The following FRY variants were observed in gnomAD, a reference collection of about 807,000 sequenced individuals.
FRY encodes protein furry homolog.
A neutral mutation model predicts 348.4 loss-of-function variants in FRY; 128 were observed. The observed-to-expected ratio is 0.37, with a 90% CI of 0.32 to 0.43. The LOEUF (loss-of-function observed/expected upper bound fraction) is 0.43. Ranked by LOEUF, FRY falls within the 20% of genes least tolerant of loss-of-function variation. The probability of loss-of-function intolerance (pLI) is 1.00; values close to 1 mark genes in which losing one functional copy is unlikely to be tolerated. For missense variants in FRY, 2,736 were observed against 3,695.2 expected, an observed-to-expected ratio of 0.74 and a Z score of 6.73; for synonymous variants, 1,370 against 1,374.7, an observed-to-expected ratio of 1.00 and a Z score of 0.08.
At chr13:32,056,389 G>A (rs1396971378) in intron 1 of FRY, among the ~76,000 whole-genome samples, 1 of 152,044 alleles carries the variant, frequency 6.6e-6, no homozygotes, top group East Asian at 1.9e-4. Context: ...TTTCCTAGTG[G>A]CCCTCCTAAT....
chr13:32,129,451 C>A (rs1375641414), intron 7 of FRY, among the ~76,000 whole-genome samples: 3 of 151,908 alleles, frequency 2.0e-5, no homozygotes, highest in Non-Finnish European at 4.4e-5. Flanking sequence ...AATTAATATA[C>A]CATTTTGTAG....
intron 28 of FRY, among the ~76,000 whole-genome samples, chr13:32,188,534 C>T (rs941011230): frequency 3.0e-4 from 46 of 152,120 alleles, no homozygotes; most frequent in Non-Finnish European, 8.8e-5. Flanking sequence ...AGGTATTTTT[C>T]TGCTAATGCT....
intron 29 of FRY, among the ~76,000 whole-genome samples, chr13:32,197,224 G>A (rs774659825): frequency 2.6e-5 from 4 of 151,824 alleles, no homozygotes; most frequent in African/African-American, 2.4e-5. Context: ...GTTTTTGTTG[G>A]CATTGTTTGT....
At chr13:32,204,959 C>G (rs144881710) in intron 31 of FRY, among the ~76,000 whole-genome samples, 110 of 152,206 alleles carry the variant, frequency 7.2e-4, no homozygotes, top group African/African-American at 2.2e-3. Context: ...TCCCAGCACC[C>G]TGGGAGGCTG....
At chr13:32,035,922 G>T (rs1031121567) in intron 1 of FRY, among the ~76,000 whole-genome samples, 1 of 152,144 alleles carries the variant, frequency 6.6e-6, no homozygotes, top group African/African-American at 2.4e-5. Context: ...CATTTTTCAG[G>T]TATGTTGTAG....
chr13:32,230,947 G>T (rs1195434325), intron 40 of FRY, among the ~76,000 whole-genome samples: 2 of 152,130 alleles, frequency 1.3e-5, no homozygotes, highest in African/African-American at 4.8e-5. Flanking sequence ...TTGGCTGCAT[G>T]TATGTCTTCT....
At chr13:32,145,526 G>GTTTTTTTTT (rs59585678) in intron 11 of FRY, among the ~76,000 whole-genome samples, 3 of 91,474 alleles carry the variant, frequency 3.3e-5, no homozygotes, top group African/African-American at 8.3e-5. Context: ...TGACTGATTT[G>GTTTTTTTTT]TTTTTTTTTT....
chr13:32,134,339 G>T (rs911332154), intron 8 of FRY, among the ~76,000 whole-genome samples: 14 of 152,194 alleles, frequency 9.2e-5, no homozygotes, highest in African/African-American at 2.4e-4. Context: ...AGGTTTCCTT[G>T]TTGAGGTGGG....
intron 46 of FRY, among the ~76,000 whole-genome samples, chr13:32,240,453 A>C (rs1213272743): frequency 1.3e-5 from 2 of 152,232 alleles, no homozygotes; most frequent in African/African-American, 4.8e-5. Context: ...TTATCAAAGC[A>C]TACATTCTGA....
chr13:32,258,181 AC>A (rs1341315858), intron 51 of FRY, among the ~76,000 whole-genome samples: 1 of 152,098 alleles, frequency 6.6e-6, no homozygotes, highest in Non-Finnish European at 1.5e-5. Flanking sequence ...CATTTTTAAA[AC>A]CTTTATATGC....
Position 32,137,250 on chromosome 13 carries a change from A to G in FRY, c.1179+278A>G, listed in dbSNP as rs562733696. 3.0e-4 allele frequency among the ~76,000 whole-genome samples: 46 copies of G among 152,334 alleles called. No homozygotes were observed. In the East Asian group the frequency reaches 8.1e-3, roughly 27 times the overall value. ...ATTAAATGTTCTTTTATATGCATCCATTGTCACATTTTATCTAAATGATTT... is the reference window on the plus strand; with the variant it reads ...ATTAAATGTTCTTTTATATGCATCCGTTGTCACATTTTATCTAAATGATTT... On this transcript the variant is annotated intron_variant, in intron 11 of 60. Coordinates refer to ENST00000542859, the MANE Select transcript of FRY (RefSeq NM_023037.3).
At chr13:32,174,686 A>T (rs1160001931) in intron 19 of FRY, among the ~76,000 whole-genome samples, 1 of 152,168 alleles carries the variant, frequency 6.6e-6, no homozygotes, top group Non-Finnish European at 1.5e-5. Context: ...ACTAGACTGC[A>T]TCAAAGATGT....
rs1391947259 is a variant in FRY, at chr13:32,210,866, A to G, written c.4423A>G (p.Ile1475Val). 12 of 1,613,574 alleles carry G rather than the reference A, an allele frequency of 7.4e-6. No homozygotes were observed. Among genetic ancestry groups the G allele is most frequent in the African/African-American group, 1.3e-5 (1 of 74,894 alleles). ...VSSDTVLLPY[I>V]KKVAIYLCRN... Reference sequence around the variant, plus strand: ...CCTTGTTTTCTTTTTTCCTTCTCAGATTAAAAAAGTGGCAATATACTTGTG... The same window carrying G: ...CCTTGTTTTCTTTTTTCCTTCTCAGGTTAAAAAAGTGGCAATATACTTGTG... The change falls in exon 34 of 61, where the codon ATT becomes GTT. Residue 1475 changes from isoleucine to valine, a missense_variant and splice_region_variant. Physicochemically the swap from Ile to Val is conservative, Grantham distance 29. Around this residue, in one of 9 missense-constraint regions of FRY, gnomAD observed 794 missense variants for 977.0 expected, o/e 0.81. Transcript: ENST00000542859.
At chr13:32,115,625 A>C (rs1472960847) in intron 3 of FRY, among the ~76,000 whole-genome samples, 1 of 152,128 alleles carries the variant, frequency 6.6e-6, no homozygotes, top group Admixed American at 6.5e-5. Flanking sequence ...TCGTCACATC[A>C]ATTGTGATAA....
chr13:32,207,593 C>A (rs865870949), intron 31 of FRY, among the ~76,000 whole-genome samples: 1 of 152,140 alleles, frequency 6.6e-6, no homozygotes, highest in African/African-American at 2.4e-5. Context: ...TGTGACATAA[C>A]AGTCACATAC....
At position 32,295,685 on chromosome 13, in the gene FRY, T is replaced by G; in HGVS notation, c.*225T>G. The G allele has an allele frequency of 1.7e-6, 1 of 592,578 alleles. No homozygotes were observed. The highest frequency in any genetic ancestry group is 3.0e-6 in the Non-Finnish European group (1 of 332,068). 36.7% of individuals were successfully genotyped at this position (592,578 alleles called of 1,614,324 possible). On this transcript the variant is annotated 3_prime_UTR_variant, in exon 61 of 61. Coordinates refer to ENST00000542859, the MANE Select transcript of FRY (RefSeq NM_023037.3). ...TGGACAGACTCCACTCATCATGCTG[T>G]GTGGCACAAATGTGTTACATTTGAC...
At chr13:32,136,996 C>T (rs745554833) in intron 11 of FRY, 24 bp downstream of exon 11, 23 of 1,311,806 alleles carry the variant, frequency 1.8e-5, no homozygotes, top group Middle Eastern at 1.8e-4. Context: ...AGCTCAAAAA[C>T]GATCTCTTTA....
At chr13:32,214,216 A>T (rs1332306686) in intron 35 of FRY, among the ~76,000 whole-genome samples, 1 of 152,120 alleles carries the variant, frequency 6.6e-6, no homozygotes, top group East Asian at 1.9e-4. Context: ...TCCTCAGTCT[A>T]CTTATCACCC....
At chr13:32,161,795 G>T (rs1379014965) in intron 17 of FRY, among the ~76,000 whole-genome samples, 1 of 152,210 alleles carries the variant, frequency 6.6e-6, no homozygotes, top group African/African-American at 2.4e-5. Flanking sequence ...TAGTGCTTCA[G>T]AAAGCTGCCC....
Sources: gnomAD v4.1 joint callset for allele counts (sites outside exome capture counted in the v4.1 genomes callset) on GRCh38, gnomAD v4.1.1 for gene constraint, gnomAD v4.1.1 regional missense constraint, MANE v1.5 for transcripts, NCBI Gene and HGNC (gene_info 2026-07-23, HGNC 2026-07-21) for gene names.